The following PRKDC variants were observed in gnomAD, a reference collection of about 807,000 sequenced individuals.
PRKDC encodes the protein protein kinase, DNA-activated, catalytic subunit, also known as DNA-dependent protein kinase catalytic subunit.
In PRKDC, 82 loss-of-function variants were observed where a neutral mutation model predicts 486.9. The ratio of observed to expected loss-of-function variants is 0.17; its 90% CI spans 0.14 to 0.20. The LOEUF is 0.20. PRKDC is among the 10% of genes least tolerant of loss of function. PRKDC has a pLI of 1.00. For missense variants in PRKDC, 4,504 were observed against 5,038.2 expected (o/e 0.89, Z 3.21); for synonymous variants, 1,895 against 1,837.0 (o/e 1.03, Z -0.81).
chr8:47,858,374 G>C, intron 48 of PRKDC, 142 bp downstream of exon 48: 1 of 749,884 alleles, frequency 1.3e-6, no homozygotes, highest in Non-Finnish European at 2.0e-6. Context: ...GAACAAAAAT[G>C]TCATGCTCTG....
intron 54 of PRKDC, among the ~76,000 whole-genome samples, chr8:47,847,779 C>G (rs571999711): frequency 3.4e-4 from 51 of 151,330 alleles, no homozygotes; most frequent in Admixed American, 6.6e-4. Context: ...TATCCAGAAT[C>G]CATAAAAAAC....
intron 54 of PRKDC, among the ~76,000 whole-genome samples, chr8:47,848,469 C>A (rs1400472459): frequency 6.6e-6 from 1 of 151,986 alleles, no homozygotes; most frequent in African/African-American, 2.4e-5. Context: ...ACAACAGACA[C>A]TGGGGAACAG....
In PRKDC at chr8:47,851,078, G is replaced by A. The variant is rs192065320; in HGVS notation, c.7006-1575C>T. ...GCCTGCCTTGGCCTCCCAAAGTGCC[G>A]GGATTATAGGCATGAGCCACAGCAC... On this transcript the variant is annotated intron_variant, in intron 52 of 85. Coordinates refer to ENST00000314191, the MANE Select transcript of PRKDC (RefSeq NM_006904.7). Among the ~76,000 whole-genome samples, 443 of 152,308 alleles carry A rather than the reference G, an allele frequency of 2.9e-3. 3 individuals are homozygous for A. The highest frequency in any genetic ancestry group is 0.01 in the African/African-American group (433 of 41,564).
At chr8:47,948,404 G>A (rs1488933618) in intron 7 of PRKDC, among the ~76,000 whole-genome samples, 1 of 150,090 alleles carries the variant, frequency 6.7e-6, no homozygotes, top group Admixed American at 6.7e-5. Context: ...CACCTTGCCT[G>A]GCCTTACAAT....
chr8:47,890,210 A>T, intron 32 of PRKDC, 47 bp downstream of exon 32: 1 of 1,341,752 alleles, frequency 7.5e-7, no homozygotes, highest in Non-Finnish European at 1.0e-6. Context: ...CCTTTGAAGT[A>T]GTTTTCCAGT....
intron 25 of PRKDC, among the ~76,000 whole-genome samples, chr8:47,911,738 C>T (rs1300263033): frequency 6.6e-6 from 1 of 151,956 alleles, no homozygotes; most frequent in African/African-American, 2.4e-5. Context: ...ATAGTATAGG[C>T]CACTTGCCAG....
chr8:47,841,262 A>G (rs888119649), intron 54 of PRKDC, among the ~76,000 whole-genome samples: 1 of 152,192 alleles, frequency 6.6e-6, no homozygotes, highest in African/African-American at 2.4e-5. Flanking sequence ...AGTGTGGAGC[A>G]GCTCCAGCAA....
intron 71 of PRKDC, among the ~76,000 whole-genome samples, chr8:47,800,332 A>T (rs1330322728): frequency 6.6e-6 from 1 of 152,096 alleles, no homozygotes; most frequent in East Asian, 1.9e-4. Flanking sequence ...ATTGGAAATC[A>T]TCATTCTCAG....
intron 10 of PRKDC, among the ~76,000 whole-genome samples, chr8:47,940,455 T>C (rs937074023): frequency 6.6e-6 from 1 of 152,190 alleles, no homozygotes; most frequent in African/African-American, 2.4e-5. Context: ...CACCTTCCAC[T>C]GCCAACTTAT....
At chr8:47,849,574 T>C (rs2088356100) in intron 52 of PRKDC, 71 bp from the exon 53 acceptor site, 1 of 1,526,358 alleles carries the variant, frequency 6.6e-7, no homozygotes, top group African/African-American at 1.4e-5. Context: ...GCAAAGTTTA[T>C]CTTGAGTATT....
In PRKDC at chr8:47,821,667, T is replaced by G; in HGVS notation, c.9048A>C (p.Thr3016=). The change falls in exon 65 of 86, where the codon ACA becomes ACC. Residue 3016 remains threonine (T), a synonymous_variant. Transcript: ENST00000314191. ...GGGGGTTCTCACTGTCTATACTGGC[T>G]GTAGAACAGTATTCAAGTGATTTCC... ...AEWKSLEYCS[T]ASIDSENPPD... 6.2e-7 allele frequency: 1 copy of G among 1,602,666 alleles called. No individual in the cohort carries two copies. Among genetic ancestry groups the G allele is most frequent in the Non-Finnish European group, 8.5e-7 (1 of 1,173,664 alleles).
At chr8:47,915,918 A>G (rs2089975298) in intron 22 of PRKDC, among the ~76,000 whole-genome samples, 1 of 152,236 alleles carries the variant, frequency 6.6e-6, no homozygotes, top group African/African-American at 2.4e-5. Context: ...CTTAAAGGTT[A>G]GTTACAATGT....
intron 32 of PRKDC, 28 bp downstream of exon 32, chr8:47,890,229 C>G: frequency 2.6e-6 from 4 of 1,542,782 alleles, no homozygotes; most frequent in Middle Eastern, 2.3e-4. Context: ...GTACCAAAAA[C>G]TGACCTCAAA....
chr8:47,934,197 T>C (rs1278978377), intron 14 of PRKDC, 107 bp from the exon 15 acceptor site: 5 of 1,261,964 alleles, frequency 4.0e-6, no homozygotes, highest in Admixed American at 2.4e-5. Flanking sequence ...CTGCCACCCA[T>C]AGGAGACCAT....
At chr8:47,917,230 G>C (rs1329026851) in intron 22 of PRKDC, among the ~76,000 whole-genome samples, 1 of 152,018 alleles carries the variant, frequency 6.6e-6, no homozygotes, top group Non-Finnish European at 1.5e-5. Flanking sequence ...ACTCCACCCT[G>C]GGTGACAACA....
rs8178211 is a variant in PRKDC, at chr8:47,817,299, A to G, written c.9557+151T>C. ...GGACACTGCAGACACGGAGAGCTCTATCGGAACTACTTACATGGGAAACAG... is the reference window on the plus strand; with the variant it reads ...GGACACTGCAGACACGGAGAGCTCTGTCGGAACTACTTACATGGGAAACAG... On this transcript the variant is annotated intron_variant, in intron 68 of 85. Coordinates refer to ENST00000314191, the MANE Select transcript of PRKDC (RefSeq NM_006904.7). The G allele has an allele frequency of 1.4e-3, 850 of 596,312 alleles. 12 individuals are homozygous for G. The East Asian group carries it at 0.023, about 16-fold the overall frequency. The allele number at this position is 596,312 out of a possible 1,614,324, so 36.9% of individuals were successfully genotyped here.
intron 40 of PRKDC, among the ~76,000 whole-genome samples, chr8:47,875,925 A>G (rs928716952): frequency 6.6e-6 from 1 of 152,190 alleles, no homozygotes; most frequent in African/African-American, 2.4e-5. Context: ...TGATATTTTT[A>G]AAAATATCAG....
intron 30 of PRKDC, among the ~76,000 whole-genome samples, chr8:47,896,053 T>G (rs1444956898): frequency 6.6e-6 from 1 of 152,018 alleles, no homozygotes; most frequent in African/African-American, 2.4e-5. Context: ...GAAAAAAAAT[T>G]TTTTTAAATG....
intron 25 of PRKDC, among the ~76,000 whole-genome samples, chr8:47,908,710 A>G (rs2089839295): frequency 1.3e-5 from 2 of 152,224 alleles, no homozygotes; most frequent in South Asian, 4.1e-4. Context: ...AGCAGGTGAA[A>G]GGGGTGACGT....
Sources: allele counts gnomAD v4.1 joint callset (sites outside exome capture counted in the v4.1 genomes callset), GRCh38; gene constraint gnomAD v4.1.1; transcripts MANE v1.5; gene names NCBI Gene and HGNC (gene_info 2026-07-23, HGNC 2026-07-21).